The following DDX47 variants were observed in gnomAD, a reference collection of about 807,000 sequenced individuals.
DDX47 encodes the protein DEAD-box helicase 47.
In DDX47, 60 loss-of-function variants were observed where a neutral mutation model predicts 58.8. The ratio of observed to expected loss-of-function variants is 1.02; its 90% confidence interval spans 0.83 to 1.26. DDX47 has a LOEUF of 1.26. DDX47 is among the 50% of genes most tolerant of loss of function. The probability of loss-of-function intolerance (pLI) is 0.00; values close to 1 mark genes in which losing one functional copy is unlikely to be tolerated. For missense variants in DDX47, 530 were observed against 573.2 expected (o/e 0.92, Z 0.77); for synonymous variants, 197 against 204.6 (o/e 0.96, Z 0.32).
At chr12:12,814,101 T>C in intron 1 of DDX47, 30 bp from the exon 2 acceptor site, 1 of 1,468,646 alleles carries the variant, frequency 6.8e-7, no homozygotes. Context: ...GTGCTGTTCT[T>C]GGCTAAGGTA....
chr12:12,829,146 T>C (rs894630111), intron 11 of DDX47, among the ~76,000 whole-genome samples: 5 of 152,198 alleles, frequency 3.3e-5, no homozygotes, highest in African/African-American at 1.2e-4. Context: ...TGAGAGTATA[T>C]GTGAATTTTT....
chr12:12,822,753 T>C (rs1565447428), intron 6 of DDX47, 21 bp downstream of exon 6: 2 of 1,596,304 alleles, frequency 1.3e-6, no homozygotes, highest in Non-Finnish European at 1.7e-6. Flanking sequence ...CTAGGACTTT[T>C]GTTTCTTCTT....
At chr12:12,828,021 A>G (rs370557067) in intron 11 of DDX47, among the ~76,000 whole-genome samples, 1 of 151,948 alleles carries the variant, frequency 6.6e-6, no homozygotes, top group African/African-American at 2.4e-5. Flanking sequence ...ATGTGCCACC[A>G]TGCCCAGCTA....
In DDX47 at chr12:12,821,979, CTGAT is replaced by C. The variant is rs1392156549; in HGVS notation, c.461_464del (p.Ile154ThrfsTer11). On this transcript the variant is annotated frameshift_variant, in exon 5 of 12. Transcript: ENST00000358007. LOFTEE classifies it high-confidence loss of function. ...TTTCTTGGTAGCAACTCCTGGTCGA[CTGAT>C]TGACCACTTGGAAAATACGAAAGGT... The C allele has an allele frequency of 3.1e-6, 5 of 1,612,846 alleles. No homozygotes were observed. Among genetic ancestry groups the C allele is most frequent in the South Asian group, 1.1e-5 (1 of 91,042 alleles).
At chr12:12,813,928 C>T (rs1862853337) in intron 1 of DDX47, among the ~76,000 whole-genome samples, 1 of 152,170 alleles carries the variant, frequency 6.6e-6, no homozygotes, top group Non-Finnish European at 1.5e-5. Context: ...AGCACCTGGC[C>T]TTGGCCTTGG....
rs766816468 is a variant in DDX47, at chr12:12,821,279, G to A, written c.253G>A (p.Ala85Thr). 39 of 1,614,054 alleles carry A rather than the reference G, an allele frequency of 2.4e-5. No homozygotes were observed. The highest frequency in any genetic ancestry group is 2.2e-4 in the Admixed American group (13 of 59,998). ...TGAFALPILNALLETPQRLFA... is the reference protein window; with the variant it reads ...TGAFALPILNTLLETPQRLFA... ...CGCCTTTGCTTTGCCCATTCTAAAC[G>A]CACTGCTGGAGACCCCGCAGCGTTT... Residue 85 changes from alanine (A) to threonine (T), a missense_variant, in exon 3 of 12, where the codon GCA becomes ACA. Transcript: ENST00000358007.
At chr12:12,820,903 G>T in intron 2 of DDX47, 1 of 375,532 alleles carries the variant, frequency 2.7e-6, no homozygotes, top group Non-Finnish European at 4.9e-6. Flanking sequence ...TATCACCTCT[G>T]TTAGCCTTTT....
chr12:12,817,653 C>A (rs549954317), intron 2 of DDX47, among the ~76,000 whole-genome samples: 2 of 152,298 alleles, frequency 1.3e-5, no homozygotes, highest in South Asian at 4.1e-4. Flanking sequence ...AGCAATGTGG[C>A]AGGTCTATAT....
At chr12:12,828,028 G>A (rs146146669) in intron 11 of DDX47, among the ~76,000 whole-genome samples, 4,446 of 151,956 alleles carry the variant, frequency 0.029, 208 homozygotes, top group African/African-American at 0.099. Context: ...ACCATGCCCA[G>A]CTAATTTTGT....
At chr12:12,821,789 T>C (rs1862976748) in intron 4 of DDX47, 63 bp downstream of exon 4, 1 of 1,388,966 alleles carries the variant, frequency 7.2e-7, no homozygotes, top group African/African-American at 1.4e-5. Context: ...CTACCAGTGT[T>C]GGATAGAAAG....
chr12:12,828,948 G>C (rs1406071589), intron 11 of DDX47, among the ~76,000 whole-genome samples: 1 of 152,110 alleles, frequency 6.6e-6, no homozygotes, highest in Non-Finnish European at 1.5e-5. Flanking sequence ...CTTTTTTCCA[G>C]TTTCTTTCTA....
intron 2 of DDX47, among the ~76,000 whole-genome samples, chr12:12,815,286 T>G (rs1054595174): frequency 6.6e-6 from 1 of 152,234 alleles, no homozygotes; most frequent in Non-Finnish European, 1.5e-5. Flanking sequence ...TTGAAAGATT[T>G]AATGATTTGA....
chr12:12,822,002 G>A lies in DDX47; in HGVS notation c.480G>A (p.Thr160=), dbSNP rs200512479. 7.1e-5 allele frequency: 115 copies of A among 1,613,632 alleles called. No individual in the cohort carries two copies. The highest frequency in any genetic ancestry group is 1.6e-4 in the Middle Eastern group (1 of 6,084). The change falls in exon 5 of 12, where the codon ACG becomes ACA. Residue 160 remains threonine, a synonymous_variant. Transcript: ENST00000358007. ...GACTGATTGACCACTTGGAAAATAC[G>A]AAAGGTTTCAACTTGAGAGCTCTCA... ...PGRLIDHLEN[T]KGFNLRALKY... is the part of the protein sequence containing the mutation.
At chr12:12,827,505 C>T in intron 11 of DDX47, 130 bp downstream of exon 11, 1 of 1,109,400 alleles carries the variant, frequency 9.0e-7, no homozygotes, top group Non-Finnish European at 1.3e-6. Context: ...GACGAGCAAA[C>T]TAAGGTGCAG....
rs1185125591 is a variant in DDX47, at chr12:12,819,176, G to T, written c.182-2032G>T. On this transcript the variant is annotated intron_variant, in intron 2 of 11. Coordinates refer to ENST00000358007, the MANE Select transcript of DDX47 (RefSeq NM_016355.4). The stretch of plus-strand genomic sequence containing the variant: ...GACAGCATTTTCTTCTGTCTTTCTA[G>T]CTGTTCTTTCTCAGTCTCTTCTTCT... Among the ~76,000 whole-genome samples the T allele has an allele frequency of 2.0e-5, 3 of 152,044 alleles. No individual in the cohort carries two copies. The East Asian group carries it at 5.8e-4, about 29-fold the overall frequency.
At chr12:12,816,135 G>T (rs1342766954) in intron 2 of DDX47, among the ~76,000 whole-genome samples, 2 of 152,086 alleles carry the variant, frequency 1.3e-5, no homozygotes, top group African/African-American at 4.8e-5. Flanking sequence ...AGGAACGGGG[G>T]AAAAATGCAG....
At chr12:12,814,065 C>A in intron 1 of DDX47, 66 bp from the exon 2 acceptor site, 2 of 964,378 alleles carry the variant, frequency 2.1e-6, no homozygotes, top group African/African-American at 1.6e-5. Context: ...GTCTGACAGT[C>A]AGTTAAGTAG....
chr12:12,823,457 G>C, intron 7 of DDX47, 138 bp downstream of exon 7: 1 of 652,488 alleles, frequency 1.5e-6, no homozygotes, highest in Non-Finnish European at 2.7e-6. Context: ...TGCATATCGT[G>C]CTTATATTAT....
Position 12,821,625 on chromosome 12 carries a change from C to G in DDX47, c.371-30C>G, listed in dbSNP as rs766042025. ...GTGGACTGTGGAAAAAATTAAGGATCTCGTCTCTATGTTCTTTTTTTCTCT... is the reference window on the plus strand; with the variant it reads ...GTGGACTGTGGAAAAAATTAAGGATGTCGTCTCTATGTTCTTTTTTTCTCT... On this transcript the variant is annotated intron_variant, in intron 3 of 11. Transcript: ENST00000358007. 15 of 1,603,222 alleles carry G rather than the reference C, an allele frequency of 9.4e-6. No homozygotes were observed. The African/African-American group carries it at 2.0e-4, about 21-fold the overall frequency.
Sources: gnomAD v4.1 joint callset for allele counts (sites outside exome capture counted in the v4.1 genomes callset) on GRCh38, gnomAD v4.1.1 for gene constraint, MANE v1.5 for transcripts, NCBI Gene and HGNC (gene_info 2026-07-23, HGNC 2026-07-21) for gene names.